ALK: variants seen among roughly 807,000 people sequenced by gnomAD.
ALK encodes ALK receptor tyrosine kinase.
ALK carries 74 observed loss-of-function variants against 163.1 expected under a neutral mutation model. That is an observed-to-expected ratio of 0.45 (90% CI 0.38 to 0.55). ALK has a LOEUF of 0.55. Ranked by LOEUF, ALK falls within the 20% of genes least tolerant of loss-of-function variation. The pLI, the probability that ALK is intolerant of heterozygous loss-of-function variation, is 0.00. For synonymous variants in ALK, 960 were observed against 843.2 expected (o/e 1.14, Z -2.40); for missense variants, 2,063 against 2,105.3 (o/e 0.98, Z 0.39).
intron 3 of ALK, among the ~76,000 whole-genome samples, chr2:29,618,491 G>C (rs1194649735): frequency 6.6e-6 from 1 of 150,744 alleles, no homozygotes; most frequent in Non-Finnish European, 1.5e-5. Flanking sequence ...ATGTCACTCT[G>C]TCCCTGAACC....
At chr2:29,501,942 T>C (rs1432651267) in intron 4 of ALK, among the ~76,000 whole-genome samples, 1 of 152,246 alleles carries the variant, frequency 6.6e-6, no homozygotes, top group African/African-American at 2.4e-5. Context: ...TATTTGTCTT[T>C]ATGTGTCTGG....
intron 5 of ALK, among the ~76,000 whole-genome samples, chr2:29,374,795 AG>A (rs1221390868): frequency 1.3e-5 from 2 of 152,196 alleles, no homozygotes; most frequent in African/African-American, 2.4e-5. Context: ...CGGTAAGTTA[AG>A]GGCAGGAGAT....
chr2:29,402,801 T>C (rs1275563290), intron 4 of ALK, among the ~76,000 whole-genome samples: 1 of 152,182 alleles, frequency 6.6e-6, no homozygotes, highest in East Asian at 1.9e-4. Flanking sequence ...CTGTAGCCTC[T>C]TGGAGGGTTC....
chr2:29,699,127 A>C (rs1416701742), intron 2 of ALK, among the ~76,000 whole-genome samples: 1 of 152,108 alleles, frequency 6.6e-6, no homozygotes, highest in Non-Finnish European at 1.5e-5. Context: ...TGTAGAATCT[A>C]TTTTACAGGA....
chr2:29,385,754 G>A (rs1278608777), intron 4 of ALK, among the ~76,000 whole-genome samples: 1 of 152,108 alleles, frequency 6.6e-6, no homozygotes, highest in Non-Finnish European at 1.5e-5. Flanking sequence ...TATACTCTGT[G>A]GTTGCACTTT....
At chr2:29,746,978 T>G (rs1680220477) in intron 1 of ALK, among the ~76,000 whole-genome samples, 1 of 152,184 alleles carries the variant, frequency 6.6e-6, no homozygotes, top group Non-Finnish European at 1.5e-5. Flanking sequence ...CCTCACAGAA[T>G]CTCAAGGTTG....
At chr2:29,204,928 G>A (rs1405605301) in intron 26 of ALK, among the ~76,000 whole-genome samples, 1 of 152,066 alleles carries the variant, frequency 6.6e-6, no homozygotes, top group Non-Finnish European at 1.5e-5. Context: ...TGAGCACCTG[G>A]CTGAGGTCGT....
intron 4 of ALK, among the ~76,000 whole-genome samples, chr2:29,425,369 C>A (rs1386726743): frequency 6.6e-6 from 1 of 152,212 alleles, no homozygotes; most frequent in South Asian, 2.1e-4. Flanking sequence ...GAGGGACAGG[C>A]TATGAGCATT....
chr2:29,452,362 G>T (rs1670844608), intron 4 of ALK, among the ~76,000 whole-genome samples: 1 of 149,226 alleles, frequency 6.7e-6, no homozygotes, highest in African/African-American at 2.5e-5. Flanking sequence ...CTTCATTCAG[G>T]ACTCAGCTTA....
At chr2:29,474,050 A>T (rs1671441561) in intron 4 of ALK, among the ~76,000 whole-genome samples, 1 of 152,140 alleles carries the variant, frequency 6.6e-6, no homozygotes, top group African/African-American at 2.4e-5. Context: ...CTAGACACAC[A>T]TTTTTACCCT....
intron 3 of ALK, among the ~76,000 whole-genome samples, chr2:29,568,157 C>T (rs1053557134): frequency 3.9e-5 from 6 of 152,234 alleles, no homozygotes; most frequent in Non-Finnish European, 8.8e-5. Flanking sequence ...AGGGCCCCCG[C>T]CCTCTTCAGA....
At chr2:29,322,221 C>T (rs536368759) in intron 6 of ALK, among the ~76,000 whole-genome samples, 8 of 152,370 alleles carry the variant, frequency 5.3e-5, no homozygotes, top group South Asian at 4.1e-4. Flanking sequence ...AGGGCCCTAA[C>T]GCTTCCTGGC....
At chr2:29,215,081 CGCCCCAAGAAAGGTGTTTGTT>C (rs1669565203) in intron 23 of ALK, among the ~76,000 whole-genome samples, 1 of 152,182 alleles carries the variant, frequency 6.6e-6, no homozygotes, top group Non-Finnish European at 1.5e-5. Context: ...CCTTTAGGGC[CGCCCCAAGAAAGGTGTTTGTT>C]TAAGCTGGTG....
At chr2:29,768,199 C>T (rs182039477) in intron 1 of ALK, among the ~76,000 whole-genome samples, 95 of 152,216 alleles carry the variant, frequency 6.2e-4, no homozygotes, top group Middle Eastern at 6.8e-3. Context: ...AAGTGGCAAA[C>T]GGGACAATAA....
Position 29,909,787 on chromosome 2 carries a change from C to T in ALK, c.667+10206G>A, listed in dbSNP as rs144449153. Among the ~76,000 whole-genome samples, 964 of 152,198 alleles carry T rather than the reference C, an allele frequency of 6.3e-3. 3 individuals carry two copies. The highest frequency in any genetic ancestry group is 9.2e-3 in the Non-Finnish European group (625 of 68,008). On this transcript the variant is annotated intron_variant, in intron 1 of 28. Coordinates refer to ENST00000389048, the MANE Select transcript of ALK (RefSeq NM_004304.5). ...GATGGAGACTCCAGAAAGGCCAAAC[C>T]TTAAGAGGAGGCTTAAACTAACCAT...
Position 29,695,003 on chromosome 2 carries a change from T to C in ALK, c.799A>G (p.Ser267Gly). The C allele has an allele frequency of 1.2e-6, 2 of 1,614,026 alleles. No homozygotes were observed. The highest frequency in any genetic ancestry group is 1.7e-6 in the Non-Finnish European group (2 of 1,179,966). Reference sequence around the variant, plus strand: ...TCCAGCTCACAGGGGAAGTCAAAGCTGCACTCCAGACCTGCAATAATAGCC... The same window carrying C: ...TCCAGCTCACAGGGGAAGTCAAAGCCGCACTCCAGACCTGCAATAATAGCC... ...SHRSRYGLECSFDFPCELEYS... is the reference protein window; with the variant it reads ...SHRSRYGLECGFDFPCELEYS... The change falls in exon 3 of 29, where the codon AGC (serine) becomes GGC (glycine). Residue 267 changes from serine to glycine, a missense_variant. By Grantham distance (56) the Ser-to-Gly change is moderately conservative (BLOSUM62 0). Coordinates refer to ENST00000389048, the MANE Select transcript of ALK (RefSeq NM_004304.5).
At chr2:29,372,212 G>C in intron 5 of ALK, among the ~76,000 whole-genome samples, 1 of 152,108 alleles carries the variant, frequency 6.6e-6, no homozygotes, top group East Asian at 1.9e-4. Flanking sequence ...CCCACCTGTT[G>C]GTACCTCTCA....
intron 4 of ALK, among the ~76,000 whole-genome samples, chr2:29,509,866 T>A (rs1277401090): frequency 6.6e-6 from 1 of 152,190 alleles, no homozygotes; most frequent in Non-Finnish European, 1.5e-5. Context: ...GGGGCTTTAT[T>A]TACAAGGCAA....
chr2:29,774,773 G>A (rs575800415), intron 1 of ALK, among the ~76,000 whole-genome samples: 18 of 152,170 alleles, frequency 1.2e-4, no homozygotes, highest in Non-Finnish European at 1.3e-4. Context: ...GATGGATACT[G>A]ACACCCGTAA....
Sources: allele counts gnomAD v4.1 joint callset (sites outside exome capture counted in the v4.1 genomes callset), GRCh38; gene constraint gnomAD v4.1.1; transcripts MANE v1.5; gene names NCBI Gene and HGNC (gene_info 2026-07-23, HGNC 2026-07-21).